The following CNTN4 variants were observed in gnomAD, a reference collection of about 807,000 sequenced individuals.
The protein encoded by CNTN4 is contactin-4.
A neutral mutation model predicts 122.5 loss-of-function variants in CNTN4; 77 were observed. The ratio of observed to expected loss-of-function variants is 0.63; its 90% confidence interval spans 0.52 to 0.76. CNTN4 has a LOEUF of 0.76. Among genes scored for constraint, CNTN4 ranks in the 30% least tolerant of loss-of-function variants. CNTN4 has a pLI of 0.00. For missense variants in CNTN4, 1,256 were observed against 1,259.1 expected (o/e 1.00, Z 0.04); for synonymous variants, 512 against 447.0 (o/e 1.15, Z -1.83).
At chr3:2,940,281 GAATGGACAGTGGTCAAC>G (rs2094602056) in intron 13 of CNTN4, among the ~76,000 whole-genome samples, 1 of 152,216 alleles carries the variant, frequency 6.6e-6, no homozygotes, top group African/African-American at 2.4e-5. Flanking sequence ...TAGGTATCAT[GAATGGACAGTGGTCAAC>G]AATGCCAGGT....
At chr3:2,223,668 C>T (rs2039150686) in intron 2 of CNTN4, among the ~76,000 whole-genome samples, 2 of 152,146 alleles carry the variant, frequency 1.3e-5, no homozygotes, top group East Asian at 3.9e-4. Flanking sequence ...ATATAAAATT[C>T]TCCCTTACTG....
intron 3 of CNTN4, among the ~76,000 whole-genome samples, chr3:2,393,173 G>T (rs2046508387): frequency 6.6e-6 from 1 of 152,088 alleles, no homozygotes; most frequent in Non-Finnish European, 1.5e-5. Flanking sequence ...TTTTCACATG[G>T]TGTTCTGCCT....
intron 2 of CNTN4, among the ~76,000 whole-genome samples, chr3:2,301,866 T>G (rs1278824676): frequency 6.6e-6 from 1 of 152,162 alleles, no homozygotes; most frequent in African/African-American, 2.4e-5. Context: ...ATAACTGAAT[T>G]TAAGTATTTC....
At chr3:2,483,007 C>G (rs2076049570) in intron 3 of CNTN4, among the ~76,000 whole-genome samples, 1 of 152,080 alleles carries the variant, frequency 6.6e-6, no homozygotes, top group African/African-American at 2.4e-5. Context: ...CTCCAGACCC[C>G]AGAATGGTAG....
chr3:2,211,952 T>G (rs1401277452), intron 2 of CNTN4, among the ~76,000 whole-genome samples: 1 of 152,184 alleles, frequency 6.6e-6, no homozygotes, highest in Non-Finnish European at 1.5e-5. Context: ...CTGATTCTGA[T>G]GCTTTAAAAC....
chr3:2,507,607 C>T (rs972778032), intron 3 of CNTN4, among the ~76,000 whole-genome samples: 10 of 151,260 alleles, frequency 6.6e-5, no homozygotes, highest in Admixed American at 3.9e-4. Context: ...TAGTGGCAGG[C>T]GCCTGTAATC....
chr3:2,523,971 A>G (rs1267080959), intron 3 of CNTN4, among the ~76,000 whole-genome samples: 1 of 152,116 alleles, frequency 6.6e-6, no homozygotes, highest in Non-Finnish European at 1.5e-5. Context: ...CTTTTTCTGA[A>G]CAGCTTTTTT....
At chr3:2,797,119 G>A (rs1170570667) in intron 6 of CNTN4, among the ~76,000 whole-genome samples, 2 of 152,168 alleles carry the variant, frequency 1.3e-5, no homozygotes, top group East Asian at 3.9e-4. Flanking sequence ...TCCTGCCTCA[G>A]CCTCCTGAGT....
chr3:2,281,049 A>G (rs765824031), intron 2 of CNTN4, among the ~76,000 whole-genome samples: 1 of 152,334 alleles, frequency 6.6e-6, no homozygotes, highest in Admixed American at 6.5e-5. Flanking sequence ...GAGAGACTGC[A>G]TACTAAAAGT....
intron 2 of CNTN4, among the ~76,000 whole-genome samples, chr3:2,226,750 C>T (rs746881657): frequency 6.6e-6 from 1 of 151,798 alleles, no homozygotes; most frequent in Non-Finnish European, 1.5e-5. Context: ...TAGTAGTGAC[C>T]TATGAAAATG....
intron 3 of CNTN4, among the ~76,000 whole-genome samples, chr3:2,433,663 G>T (rs771883580): frequency 2.0e-5 from 3 of 152,104 alleles, no homozygotes; most frequent in African/African-American, 7.2e-5. Flanking sequence ...TGTTGCCTGC[G>T]CTTTTGGGGT....
intron 3 of CNTN4, among the ~76,000 whole-genome samples, chr3:2,442,995 G>A (rs2048492253): frequency 6.6e-6 from 1 of 151,978 alleles, no homozygotes; most frequent in Admixed American, 6.6e-5. Flanking sequence ...GAAAAATAGG[G>A]AGGGTGTAAG....
chr3:2,672,794 GT>G (rs751696934), intron 4 of CNTN4, among the ~76,000 whole-genome samples: 22 of 152,226 alleles, frequency 1.4e-4, no homozygotes, highest in Non-Finnish European at 2.5e-4. Context: ...CCCTTAATTG[GT>G]TTTTTAACAT....
intron 6 of CNTN4, among the ~76,000 whole-genome samples, chr3:2,758,517 C>T (rs369099252): frequency 7.2e-5 from 9 of 124,246 alleles, no homozygotes; most frequent in Admixed American, 1.9e-4. Flanking sequence ...CAACACCATA[C>T]TTTTTTTTTT....
intron 2 of CNTN4, among the ~76,000 whole-genome samples, chr3:2,171,526 AT>A (rs1412049526): frequency 2.0e-5 from 3 of 152,208 alleles, no homozygotes; most frequent in Non-Finnish European, 4.4e-5. Context: ...GTGAACAGTC[AT>A]TGCTTTAATA....
chr3:2,290,064 A>C (rs1356381133), intron 2 of CNTN4, among the ~76,000 whole-genome samples: 1 of 152,192 alleles, frequency 6.6e-6, no homozygotes, highest in African/African-American at 2.4e-5. Flanking sequence ...TTCTACACCT[A>C]ACACGATGGA....
chr3:2,263,907 A>G (rs2040938625), intron 2 of CNTN4, among the ~76,000 whole-genome samples: 1 of 135,062 alleles, frequency 7.4e-6, no homozygotes, highest in Non-Finnish European at 1.7e-5. Context: ...TATTTTACTT[A>G]ACATAATGAC....
intron 3 of CNTN4, among the ~76,000 whole-genome samples, chr3:2,523,371 A>AC (rs756055554): frequency 1.4e-4 from 21 of 150,460 alleles, no homozygotes; most frequent in South Asian, 2.1e-4. Flanking sequence ...AAAAAAAAAA[A>AC]ACAAAACTTT....
At chr3:2,106,871 G>C (rs969527462) in intron 2 of CNTN4, among the ~76,000 whole-genome samples, 8 of 152,118 alleles carry the variant, frequency 5.3e-5, no homozygotes, top group African/African-American at 1.9e-4. Flanking sequence ...TCTAATTTCA[G>C]ATCATCACAC....
Sources: gnomAD v4.1 joint callset for allele counts (sites outside exome capture counted in the v4.1 genomes callset) on GRCh38, gnomAD v4.1.1 for gene constraint, MANE v1.5 for transcripts, NCBI Gene and HGNC (gene_info 2026-07-23, HGNC 2026-07-21) for gene names.